Variants in NDUFA9 observed in about 807,000 individuals in gnomAD.
The protein encoded by NDUFA9 is NADH dehydrogenase [ubiquinone] 1 alpha subcomplex subunit 9, mitochondrial.
In NDUFA9, 23 loss-of-function variants were observed where a neutral mutation model predicts 45.9. The observed-to-expected ratio is 0.50, with a 90% CI of 0.36 to 0.71. The LOEUF is 0.71. NDUFA9 is among the 30% of genes least tolerant of loss of function. The pLI, the probability that NDUFA9 is intolerant of heterozygous loss-of-function variation, is 0.00. For synonymous variants in NDUFA9, 176 were observed against 170.5 expected, an observed-to-expected ratio of 1.03 and a Z score of -0.25; for missense variants, 466 against 488.2, an observed-to-expected ratio of 0.95 and a Z score of 0.43.
chr12:4,654,809 A>T lies in NDUFA9; in HGVS notation c.221-16A>T. On this transcript the variant is annotated splice_polypyrimidine_tract_variant and intron_variant, in intron 2 of 10. Coordinates refer to ENST00000266544, the MANE Select transcript of NDUFA9 (RefSeq NM_005002.5). Reference sequence around the variant, plus strand: ...TATGTTAATGTTGATCCTTTTTTCAATCCATTCTCTTTTAGGACGCATGGG... The same window carrying T: ...TATGTTAATGTTGATCCTTTTTTCATTCCATTCTCTTTTAGGACGCATGGG... The T allele has an allele frequency of 6.4e-7, 1 of 1,574,482 alleles. No homozygotes were observed. Among genetic ancestry groups the T allele is most frequent in the South Asian group, 1.2e-5 (1 of 86,318 alleles).
intron 8 of NDUFA9, among the ~76,000 whole-genome samples, chr12:4,680,951 C>G (rs1000522364): frequency 4.6e-5 from 7 of 152,074 alleles, no homozygotes; most frequent in Non-Finnish European, 8.8e-5. Context: ...GCGGAACGTT[C>G]AGAAACAGTC....
At chr12:4,665,610 A>G (rs1945848387) in intron 6 of NDUFA9, among the ~76,000 whole-genome samples, 1 of 152,182 alleles carries the variant, frequency 6.6e-6, no homozygotes, top group Non-Finnish European at 1.5e-5. Flanking sequence ...ATTCTGTAGC[A>G]TATGGTATAT....
chr12:4,658,684 G>A (rs1945805471), intron 4 of NDUFA9, among the ~76,000 whole-genome samples: 2 of 152,122 alleles, frequency 1.3e-5, no homozygotes, highest in Admixed American at 1.3e-4. Context: ...CTTAAATTGT[G>A]TAGAGTAATG....
In NDUFA9 at chr12:4,668,520, T is replaced by A. The variant is rs1216849945; in HGVS notation, c.719T>A (p.Val240Glu). ...SLGWKTVKQP[V>E]YVVDVSKGIV... ...GGCTGGAAGACAGTTAAACAACCAG[T>A]ATATGTAAGTACTTGGATGAAGGGG... Residue 240 changes from valine (V) to glutamate (E), a missense_variant, in exon 7 of 11, where the codon GTA (valine) becomes GAA (glutamate). By Grantham distance (121) the Val-to-Glu change is moderately radical. Transcript: ENST00000266544. The A allele has an allele frequency of 6.2e-7, 1 of 1,609,634 alleles. No individual in the cohort carries two copies. The highest frequency in any genetic ancestry group is 8.5e-7 in the Non-Finnish European group (1 of 1,175,952).
rs1326253439 is a variant in NDUFA9, at chr12:4,687,894, G to A, written c.*786G>A. 6.6e-6 allele frequency: 1 copy of A among 152,222 alleles called. No homozygotes were observed. Among genetic ancestry groups the A allele is most frequent in the African/African-American group, 2.4e-5 (1 of 41,456 alleles). 9.4% of individuals were successfully genotyped at this position (152,222 alleles called of 1,614,324 possible). ...GTGTGATTTAAAACTCCCACAATTTGTGGTGAAGCCAACATACCACCATCC... is the reference window on the plus strand; with the variant it reads ...GTGTGATTTAAAACTCCCACAATTTATGGTGAAGCCAACATACCACCATCC... On this transcript the variant is annotated 3_prime_UTR_variant, in exon 11 of 11. Transcript: ENST00000266544.
chr12:4,672,141 C>T (rs144822729), intron 8 of NDUFA9, among the ~76,000 whole-genome samples: 232 of 152,214 alleles, frequency 1.5e-3, no homozygotes, highest in African/African-American at 5.2e-3. Flanking sequence ...CATAAGGGGT[C>T]GGGGAACTCC....
chr12:4,653,695 G>T, intron 1 of NDUFA9: 1 of 388,788 alleles, frequency 2.6e-6, no homozygotes, highest in African/African-American at 2.2e-5. Flanking sequence ...CTGAACTATT[G>T]AACTGCATTC....
chr12:4,680,243 TAAA>T (rs77191004), intron 8 of NDUFA9, among the ~76,000 whole-genome samples: 1 of 151,924 alleles, frequency 6.6e-6, no homozygotes, highest in African/African-American at 2.4e-5. Context: ...AAATTACTGA[TAAA>T]AAAATAAGGT....
chr12:4,653,625 T>C, intron 1 of NDUFA9: 4 of 453,856 alleles, frequency 8.8e-6, no homozygotes, highest in Non-Finnish European at 1.8e-5. Context: ...ATATCTTTTC[T>C]CAAGCACTTC....
chr12:4,666,615 A>G (rs953645855), intron 6 of NDUFA9, among the ~76,000 whole-genome samples: 19 of 150,468 alleles, frequency 1.3e-4, no homozygotes, highest in African/African-American at 4.6e-4. Flanking sequence ...GTTATCCAGT[A>G]TGTTGAAAAG....
Position 4,654,760 on chromosome 12 carries a change from C to T in NDUFA9, c.221-65C>T. On this transcript the variant is annotated intron_variant, in intron 2 of 10. Coordinates refer to ENST00000266544, the MANE Select transcript of NDUFA9 (RefSeq NM_005002.5). ...ACTAGAATTTAAATATTTACCAAGT[C>T]ACAATTGTATAATATATCCACATTA... 3.2e-6 allele frequency: 4 copies of T among 1,252,314 alleles called. No homozygotes were observed. The South Asian group carries it at 5.6e-5, about 18-fold the overall frequency. 77.6% of individuals were successfully genotyped at this position (1,252,314 alleles called of 1,614,324 possible).
intron 8 of NDUFA9, among the ~76,000 whole-genome samples, chr12:4,674,014 C>T (rs940721592): frequency 6.6e-6 from 1 of 152,154 alleles, no homozygotes; most frequent in African/African-American, 2.4e-5. Context: ...GGCCAACATT[C>T]AACATTCTTA....
intron 5 of NDUFA9, among the ~76,000 whole-genome samples, chr12:4,660,107 G>A (rs1445948337): frequency 2.0e-5 from 3 of 152,192 alleles, no homozygotes; most frequent in African/African-American, 7.2e-5. Context: ...AAGCCACTGG[G>A]TAGATGATAG....
chr12:4,654,838 A>G lies in NDUFA9; in HGVS notation c.234A>G (p.Ser78=). The G allele has an allele frequency of 1.2e-6, 2 of 1,612,912 alleles. No individual in the cohort carries two copies. Among genetic ancestry groups the G allele is most frequent in the Non-Finnish European group, 1.7e-6 (2 of 1,179,544 alleles). The change falls in exon 3 of 11, where the codon TCA becomes TCG. Residue 78 remains serine, a synonymous_variant. Coordinates refer to ENST00000266544, the MANE Select transcript of NDUFA9 (RefSeq NM_005002.5). ...ATTCTCTTTTAGGACGCATGGGGTC[A>G]CAGGTAATCATACCCTATCGGTGTG... The part of the protein sequence containing the change: ...YVVNHLGRMG[S]QVIIPYRCDK...
chr12:4,663,028 C>G (rs938019124), intron 6 of NDUFA9, among the ~76,000 whole-genome samples: 6 of 152,168 alleles, frequency 3.9e-5, no homozygotes, highest in African/African-American at 1.4e-4. Context: ...TTTATTGTCT[C>G]TATAGTTTTG....
Position 4,688,960 on chromosome 12 carries a change from T to C in NDUFA9, c.*1852T>C, listed in dbSNP as rs1462004335. 6.6e-6 allele frequency: 1 copy of C among 152,214 alleles called. No homozygotes were observed. Among genetic ancestry groups the C allele is most frequent in the Admixed American group, 6.5e-5 (1 of 15,280 alleles). The allele number at this position is 152,214 out of a possible 1,614,324, so 9.4% of individuals were successfully genotyped here. A position where few individuals can be genotyped will look rare whatever the true frequency, so the allele number is the denominator to read the frequency against. ...CTTAGAATATCTACACTTTCTTTCC[T>C]TTTTTTGATTCTTAAAAAAAAACTT... On this transcript the variant is annotated 3_prime_UTR_variant, in exon 11 of 11. Coordinates refer to ENST00000266544, the MANE Select transcript of NDUFA9 (RefSeq NM_005002.5).
At chr12:4,654,536 G>A (rs1207594312) in intron 2 of NDUFA9, 74 bp downstream of exon 2, 2 of 1,499,528 alleles carry the variant, frequency 1.3e-6, no homozygotes, top group African/African-American at 2.8e-5. Flanking sequence ...CATGAGCTAT[G>A]TTTCTCTTCA....
chr12:4,671,649 G>A (rs1324461449), intron 8 of NDUFA9, among the ~76,000 whole-genome samples: 1 of 152,052 alleles, frequency 6.6e-6, no homozygotes, highest in African/African-American at 2.4e-5. Context: ...AAACCATTAA[G>A]TTTCATAATT....
chr12:4,668,306 CT>C, intron 6 of NDUFA9, 150 bp from the exon 7 acceptor site: 1 of 631,180 alleles, frequency 1.6e-6, no homozygotes, highest in African/African-American at 1.8e-5. Context: ...AAACTAATGA[CT>C]GCCTTTTGTA....
Sources: allele counts gnomAD v4.1 joint callset (sites outside exome capture counted in the v4.1 genomes callset), GRCh38; gene constraint gnomAD v4.1.1; transcripts MANE v1.5; gene names NCBI Gene and HGNC (gene_info 2026-07-23, HGNC 2026-07-21).